The following GALNT6 variants were observed in gnomAD, a reference collection of about 807,000 sequenced individuals.
GALNT6 encodes GalNAc transferase 6.
A neutral mutation model predicts 65.9 loss-of-function variants in GALNT6; 51 were observed. The observed-to-expected ratio is 0.77, with a 90% CI of 0.62 to 0.98. The LOEUF is 0.98. Ranked by LOEUF, GALNT6 falls within the 50% of genes least tolerant of loss-of-function variation. The probability of loss-of-function intolerance (pLI) is 0.00; values close to 1 mark genes in which losing one functional copy is unlikely to be tolerated. For missense variants in GALNT6, 708 were observed against 803.3 expected (o/e 0.88, Z 1.43); for synonymous variants, 323 against 315.1 (o/e 1.02, Z -0.26).
At chr12:51,377,531 C>T (rs1947505156) in intron 3 of GALNT6, among the ~76,000 whole-genome samples, 164 bp from the exon 4 acceptor site, 1 of 152,110 alleles carries the variant, frequency 6.6e-6, no homozygotes, top group African/African-American at 2.4e-5. Context: ...CCTGTCTTCC[C>T]CGGTATCTGC....
intron 4 of GALNT6, 100 bp from the exon 5 acceptor site, chr12:51,365,679 G>T: frequency 1.6e-6 from 2 of 1,245,060 alleles, no homozygotes; most frequent in Non-Finnish European, 2.2e-6. Flanking sequence ...TAGCAGGCCT[G>T]AATTTTAAAC....
At chr12:51,391,449 G>A (rs2137880384), upstream of GALNT6, 1 of 155,918 alleles carries the variant, frequency 6.4e-6, no homozygotes, top group Non-Finnish European at 1.4e-5. Flanking sequence ...CGGGGGTAGT[G>A]AGGAGGAAGA....
At chr12:51,365,205 C>A (rs1014647870) in intron 5 of GALNT6, among the ~76,000 whole-genome samples, 1 of 152,138 alleles carries the variant, frequency 6.6e-6, no homozygotes, top group Non-Finnish European at 1.5e-5. Flanking sequence ...GAAATCACTT[C>A]CAGTGATTTT....
intron 2 of GALNT6, among the ~76,000 whole-genome samples, chr12:51,385,176 T>C (rs1170391046): frequency 6.6e-6 from 1 of 152,006 alleles, no homozygotes; most frequent in Non-Finnish European, 1.5e-5. Flanking sequence ...TTGGTAGAGA[T>C]GGGGGTCTCA....
At position 51,354,396 on chromosome 12, in the gene GALNT6, A is replaced by G; in HGVS notation, c.1852T>C (p.Leu618=). The part of the protein sequence containing the change: ...APCNPSDPHQ[L]WLFV ...TCTGGGTCCTAGACAAAGAGCCACA[A>G]CTGATGGGGGTCACTGGGATTGCAG... Residue 618 remains leucine (L), a synonymous_variant, in exon 12 of 12, where the codon TTG becomes CTG. Transcript: ENST00000356317. The G allele has an allele frequency of 2.5e-6, 4 of 1,568,684 alleles. No homozygotes were observed. Among genetic ancestry groups the G allele is most frequent in the Non-Finnish European group, 3.4e-6 (4 of 1,161,270 alleles).
chr12:51,355,991 G>A, intron 10 of GALNT6, 33 bp from the exon 11 acceptor site: 1 of 1,607,984 alleles, frequency 6.2e-7, no homozygotes, highest in African/African-American at 1.3e-5. Flanking sequence ...CAGGTGGAGA[G>A]TTCACCCCCA....
intron 9 of GALNT6, 35 bp from the exon 10 acceptor site, chr12:51,357,485 G>A (rs781256145): frequency 4.0e-6 from 6 of 1,487,626 alleles, no homozygotes; most frequent in Non-Finnish European, 4.7e-6. Flanking sequence ...GAAGCAGGAT[G>A]GCACAGTCAG....
Position 51,377,387 on chromosome 12 carries a change from GAC to G in GALNT6, c.492-22_492-21del. 6.2e-7 allele frequency: 1 copy of G among 1,610,658 alleles called. No individual in the cohort carries two copies. Among genetic ancestry groups the G allele is most frequent in the Non-Finnish European group, 8.5e-7 (1 of 1,179,050 alleles). On this transcript the variant is annotated intron_variant, in intron 3 of 11. Transcript: ENST00000356317. Reference sequence around the variant, plus strand: ...ACACACCTGGAAGTATGAAAGTACGGACAAAGTTCTCCTGGTCCCTGGGAGTA... The same window carrying G: ...ACACACCTGGAAGTATGAAAGTACGGAAAGTTCTCCTGGTCCCTGGGAGTA...
intron 4 of GALNT6, among the ~76,000 whole-genome samples, chr12:51,367,711 TA>T (rs1390762251): frequency 2.0e-5 from 3 of 152,150 alleles, no homozygotes; most frequent in African/African-American, 7.2e-5. Context: ...TTAAGCAGCT[TA>T]GGGGGTTGCA....
intron 4 of GALNT6, among the ~76,000 whole-genome samples, chr12:51,366,009 C>T (rs968650528): frequency 2.6e-5 from 4 of 152,184 alleles, no homozygotes; most frequent in Non-Finnish European, 5.9e-5. Flanking sequence ...CCTCCACCTC[C>T]TGGGCTCAAG....
chr12:51,383,082 C>T (rs569772740), intron 2 of GALNT6, among the ~76,000 whole-genome samples: 1 of 152,302 alleles, frequency 6.6e-6, no homozygotes, highest in African/African-American at 2.4e-5. Context: ...AAAATTAAAG[C>T]AGAATAGCAC....
At position 51,358,318 on chromosome 12, in the gene GALNT6, T is replaced by C; in HGVS notation, c.1369-57A>G. On this transcript the variant is annotated intron_variant, in intron 8 of 11. Transcript: ENST00000356317. ...TTCCACCAGTTTTTTTTTTTTTTTT[T>C]AAGAGGGAGTCTCACTCTGTTGCCC... The C allele has an allele frequency of 2.9e-6, 4 of 1,375,152 alleles. No homozygotes were observed. The Admixed American group carries it at 7.7e-5, about 26-fold the overall frequency. 85.2% of individuals were successfully genotyped at this position (1,375,152 alleles called of 1,614,324 possible). A position where few individuals can be genotyped will look rare whatever the true frequency, so the allele number is the denominator to read the frequency against.
chr12:51,351,589 G>A lies in GALNT6; in HGVS notation c.*2790C>T, dbSNP rs1233480297. The A allele has an allele frequency of 2.0e-5, 3 of 152,262 alleles. No individual in the cohort carries two copies. Among genetic ancestry groups the A allele is most frequent in the Non-Finnish European group, 4.4e-5 (3 of 68,058 alleles). 9.4% of individuals were successfully genotyped at this position (152,262 alleles called of 1,614,324 possible). ...GCCTTATCTGATTCCCTAAGTGGAA[G>A]GAATTGCTCCTTCTAACTCATCCAG... On this transcript the variant is annotated 3_prime_UTR_variant, in exon 12 of 12. Transcript: ENST00000356317.
At chr12:51,366,061 G>A (rs1947093964) in intron 4 of GALNT6, among the ~76,000 whole-genome samples, 1 of 152,224 alleles carries the variant, frequency 6.6e-6, no homozygotes, top group Admixed American at 6.5e-5. Context: ...AGGACTACAG[G>A]TGTGTGCAAC....
In GALNT6 at chr12:51,360,655, G is replaced by A; in HGVS notation, c.1167+66C>T. ...GATGTCCCTGATGCCACCTCTGCCT[G>A]AGAGATGTTTCTCAAGCTGTCGCCT... On this transcript the variant is annotated intron_variant, in intron 7 of 11. Coordinates refer to ENST00000356317, the MANE Select transcript of GALNT6 (RefSeq NM_007210.4). 2.5e-5 allele frequency: 23 copies of A among 933,316 alleles called. 1 individual carries two copies. The South Asian group carries it at 3.1e-4, about 12-fold the overall frequency. 57.8% of individuals were successfully genotyped at this position (933,316 alleles called of 1,614,324 possible).
chr12:51,359,630 C>G (rs1020479210), intron 7 of GALNT6: 1 of 274,706 alleles, frequency 3.6e-6, no homozygotes. Flanking sequence ...GTTACCTGTG[C>G]CTGTATACCT....
At position 51,374,524 on chromosome 12, in the gene GALNT6, A is replaced by G. The variant is rs113410418; in HGVS notation, c.664+2671T>C. Among the ~76,000 whole-genome samples the G allele has an allele frequency of 3.1e-3, 468 of 152,126 alleles. 2 individuals carry two copies. Among genetic ancestry groups the G allele is most frequent in the African/African-American group, 0.011 (450 of 41,488 alleles). On this transcript the variant is annotated intron_variant, in intron 4 of 11. Transcript: ENST00000356317. ...CTCTTTTCAGCATCACCCCTAACCT[A>G]GAGGAAGGAGGGAGGCTGGGGGAGG...
At chr12:51,382,561 T>G (rs1296355777) in intron 2 of GALNT6, 3 of 152,552 alleles carry the variant, frequency 2.0e-5, no homozygotes, top group Non-Finnish European at 4.4e-5. Context: ...CAGTCTGGTA[T>G]GGCAGGAGTA....
chr12:51,356,394 C>T (rs4761869), intron 10 of GALNT6, among the ~76,000 whole-genome samples: 50,142 of 127,832 alleles, frequency 0.39, 9,329 homozygotes, highest in Admixed American at 0.42. Flanking sequence ...GGGTCTTGCT[C>T]TGTTGCTTAA....
Sources: allele counts gnomAD v4.1 joint callset (sites outside exome capture counted in the v4.1 genomes callset), GRCh38; gene constraint gnomAD v4.1.1; transcripts MANE v1.5; gene names NCBI Gene and HGNC (gene_info 2026-07-23, HGNC 2026-07-21).